PDE11A: variants seen among roughly 807,000 people sequenced by gnomAD.
The protein encoded by PDE11A is phosphodiesterase 11A.
PDE11A carries 100 observed loss-of-function variants against 100.5 expected under a neutral mutation model. The ratio of observed to expected loss-of-function variants is 1.00; its 90% CI spans 0.85 to 1.18. The LOEUF (loss-of-function observed/expected upper bound fraction) is 1.18, where lower values mean the gene tolerates loss of function less well. Ranked by LOEUF, PDE11A falls within the 50% of genes most tolerant of loss-of-function variation. PDE11A has a pLI of 0.00. For synonymous variants in PDE11A, 381 were observed against 420.8 expected (o/e 0.91, Z 1.16); for missense variants, 1,141 against 1,152.6 (o/e 0.99, Z 0.15).
intron 9 of PDE11A, among the ~76,000 whole-genome samples, chr2:177,805,595 G>C (rs2082857826): frequency 6.6e-6 from 1 of 152,070 alleles, no homozygotes; most frequent in Admixed American, 6.6e-5. Context: ...TCTTGAACCT[G>C]TTTTTGCAAA....
rs780674695 is a variant in PDE11A at position 178,071,603 on chromosome 2, G to C, written c.835C>G (p.Gln279Glu). 3.7e-5 allele frequency: 60 copies of C among 1,613,738 alleles called. No homozygotes were observed. Among genetic ancestry groups the C allele is most frequent in the Non-Finnish European group, 4.6e-5 (54 of 1,179,758 alleles). ...ATGATACCTTTGCCCCAGGGGACCT[G>C]CACCTCATTTGAGTTCTCTGTGCTG... ...CSSTENSNEV[Q>E]VPWGKGIIGY... Residue 279 changes from glutamine (Q) to glutamate (E), a missense_variant, in exon 1 of 20, where the codon CAG (glutamine) becomes GAG (glutamate). Gln to Glu is a conservative substitution (Grantham distance 29). Coordinates refer to ENST00000286063, the MANE Select transcript of PDE11A (RefSeq NM_016953.4).
At chr2:177,723,829 C>T (rs1020999205) in intron 12 of PDE11A, among the ~76,000 whole-genome samples, 7 of 151,846 alleles carry the variant, frequency 4.6e-5, no homozygotes, top group East Asian at 1.9e-4. Context: ...TTTATAAAAC[C>T]GAAAAAAATG....
intron 2 of PDE11A, among the ~76,000 whole-genome samples, chr2:178,099,763 A>G (rs556828005): frequency 6.6e-6 from 1 of 152,336 alleles, no homozygotes; most frequent in African/African-American, 2.4e-5. Flanking sequence ...ACTTCTGGGT[A>G]TATACCCAAA....
rs1004484633 is a variant in PDE11A at position 177,912,994 on chromosome 2, G to A, written c.1072-7807C>T. The stretch of plus-strand genomic sequence containing the variant: ...CAGGATTTGCTGTAAATGGGCATAG[G>A]GGATCTTATTGGTAGTGGGTTCTAA... On this transcript the variant is annotated intron_variant, in intron 2 of 19. Transcript: ENST00000286063. Among the ~76,000 whole-genome samples, 15 of 152,232 alleles carry A rather than the reference G, an allele frequency of 9.9e-5. No homozygotes were observed. In the East Asian group the frequency reaches 2.9e-3, roughly 29 times the overall value.
chr2:177,747,782 T>C (rs1187123783), intron 10 of PDE11A, among the ~76,000 whole-genome samples: 2 of 152,172 alleles, frequency 1.3e-5, no homozygotes, highest in African/African-American at 4.8e-5. Context: ...GGTCTCATCC[T>C]CAGCTCAGCT....
intron 5 of PDE11A, among the ~76,000 whole-genome samples, chr2:177,875,318 G>T (rs1027187814): frequency 6.6e-6 from 1 of 152,026 alleles, no homozygotes; most frequent in African/African-American, 2.4e-5. Flanking sequence ...AGTACTAAAA[G>T]TTGGCCCTAA....
chr2:177,678,877 G>A (rs1372563917), intron 16 of PDE11A, among the ~76,000 whole-genome samples: 2 of 152,012 alleles, frequency 1.3e-5, no homozygotes, highest in African/African-American at 4.8e-5. Flanking sequence ...AAAAGGGCTG[G>A]GAGTCATTTG....
At chr2:177,839,452 C>T (rs2083453133) in intron 6 of PDE11A, among the ~76,000 whole-genome samples, 1 of 152,126 alleles carries the variant, frequency 6.6e-6, no homozygotes, top group South Asian at 2.1e-4. Flanking sequence ...CAATGGTTCC[C>T]CATTGCACAG....
At chr2:178,035,507 T>C (rs962237215) in intron 1 of PDE11A, among the ~76,000 whole-genome samples, 5 of 152,168 alleles carry the variant, frequency 3.3e-5, no homozygotes, top group African/African-American at 9.7e-5. Flanking sequence ...AAAGAGGGAA[T>C]CCTCCCTAAC....
intron 1 of PDE11A, among the ~76,000 whole-genome samples, chr2:178,069,322 C>T (rs531506496): frequency 2.0e-5 from 3 of 151,546 alleles, no homozygotes; most frequent in Non-Finnish European, 4.4e-5. Flanking sequence ...ACTGTAGCGT[C>T]CCATAATAAA....
intron 2 of PDE11A, among the ~76,000 whole-genome samples, chr2:177,992,966 T>A (rs1477305913): frequency 1.3e-5 from 2 of 152,126 alleles, no homozygotes; most frequent in African/African-American, 2.4e-5. Context: ...TATAGATGAT[T>A]CTCCGCAAGC....
At chr2:177,658,669 T>G (rs759671449) in intron 19 of PDE11A, among the ~76,000 whole-genome samples, 28 of 151,392 alleles carry the variant, frequency 1.8e-4, no homozygotes, top group Non-Finnish European at 3.5e-4. Flanking sequence ...ACAAGAATAC[T>G]AAAAGTCATA....
Position 177,676,105 on chromosome 2 carries a change from C to A in PDE11A, c.2424-587G>T, listed in dbSNP as rs112332090. 3.4e-3 allele frequency: 610 copies of A among 178,246 alleles called. 5 individuals carry two copies. Among genetic ancestry groups the A allele is most frequent in the African/African-American group, 9.5e-3 (398 of 42,034 alleles). 11.0% of individuals were successfully genotyped at this position (178,246 alleles called of 1,614,324 possible). Reference sequence around the variant, plus strand: ...GTTTATAAGCATTATGAAGAAGAAACATACTCAGCTCCAGCTCTCATTAAT... The same window carrying A: ...GTTTATAAGCATTATGAAGAAGAAAAATACTCAGCTCCAGCTCTCATTAAT... On this transcript the variant is annotated intron_variant, in intron 16 of 19. Coordinates refer to ENST00000286063, the MANE Select transcript of PDE11A (RefSeq NM_016953.4).
At chr2:177,942,720 T>C (rs2085359665) in intron 2 of PDE11A, among the ~76,000 whole-genome samples, 1 of 151,966 alleles carries the variant, frequency 6.6e-6, no homozygotes, top group Non-Finnish European at 1.5e-5. Flanking sequence ...TTAATTGTTG[T>C]AAAAAAAACA....
chr2:177,717,713 T>C (rs1464018879), intron 12 of PDE11A, among the ~76,000 whole-genome samples: 1 of 152,156 alleles, frequency 6.6e-6, no homozygotes, highest in African/African-American at 2.4e-5. Flanking sequence ...TCCAATGATA[T>C]TCCTTCATTG....
At chr2:177,657,922 G>A (rs2105469660) in intron 19 of PDE11A, among the ~76,000 whole-genome samples, 1 of 152,352 alleles carries the variant, frequency 6.6e-6, no homozygotes, top group South Asian at 2.1e-4. Flanking sequence ...GGGGACTGAG[G>A]AAATGCCAAG....
intron 1 of PDE11A, among the ~76,000 whole-genome samples, chr2:178,039,622 A>G (rs1432973531): frequency 6.6e-6 from 1 of 152,196 alleles, no homozygotes; most frequent in African/African-American, 2.4e-5. Context: ...GACCTATACA[A>G]AATGCCCATA....
chr2:177,969,695 G>A (rs989482503), intron 2 of PDE11A, among the ~76,000 whole-genome samples: 1 of 152,012 alleles, frequency 6.6e-6, no homozygotes, highest in Non-Finnish European at 1.5e-5. Context: ...ACTAAAAGTG[G>A]GGTTTGCAAC....
chr2:177,910,793 T>A (rs1413056764), intron 2 of PDE11A, among the ~76,000 whole-genome samples: 2 of 152,128 alleles, frequency 1.3e-5, no homozygotes, highest in Non-Finnish European at 2.9e-5. Context: ...CTTCTATCAA[T>A]GTACACAAAA....
Sources: allele counts gnomAD v4.1 joint callset (sites outside exome capture counted in the v4.1 genomes callset), GRCh38; gene constraint gnomAD v4.1.1; transcripts MANE v1.5; gene names NCBI Gene and HGNC (gene_info 2026-07-23, HGNC 2026-07-21).